SNX7: variants seen among roughly 807,000 people sequenced by gnomAD.
SNX7 encodes sorting nexin-7.
In SNX7, 35 loss-of-function variants were observed where a neutral mutation model predicts 48.4. The ratio of observed to expected loss-of-function variants is 0.72; its 90% CI spans 0.55 to 0.96. The LOEUF (loss-of-function observed/expected upper bound fraction) is 0.96. Ranked by LOEUF, SNX7 falls within the 40% of genes least tolerant of loss-of-function variation. SNX7 has a pLI of 0.00. For synonymous variants in SNX7, 190 were observed against 190.2 expected (o/e 1.00, Z 0.01); for missense variants, 553 against 548.9 (o/e 1.01, Z -0.07).
intron 1 of SNX7, among the ~76,000 whole-genome samples, chr1:98,675,829 T>C (rs1270938044): frequency 6.6e-6 from 1 of 152,180 alleles, no homozygotes; most frequent in East Asian, 1.9e-4. Context: ...ATCCCATAAC[T>C]TATTATTTAT....
At chr1:98,704,435 T>A (rs1651914948) in intron 7 of SNX7, among the ~76,000 whole-genome samples, 1 of 152,190 alleles carries the variant, frequency 6.6e-6, no homozygotes. Context: ...ACTGTTTATA[T>A]TTTCAAATAA....
chr1:98,664,882 A>AG (rs1435496371), intron 1 of SNX7, among the ~76,000 whole-genome samples: 1 of 152,190 alleles, frequency 6.6e-6, no homozygotes, highest in Admixed American at 6.5e-5. Context: ...AAATAAAAAA[A>AG]TAAAAAAGAT....
chr1:98,691,003 T>A (rs772020659), intron 2 of SNX7, 72 bp from the exon 3 acceptor site: 28 of 900,526 alleles, frequency 3.1e-5, no homozygotes, highest in Non-Finnish European at 4.6e-5. Flanking sequence ...TTTCACAATG[T>A]CTAAAATAAC....
chr1:98,662,910 G>A (rs2100893498), intron 1 of SNX7: 1 of 1,165,338 alleles, frequency 8.6e-7, no homozygotes, highest in Non-Finnish European at 1.1e-6. Context: ...CCAAAGAGGA[G>A]TATATAAAAC....
chr1:98,756,337 T>C (rs1325734384), intron 8 of SNX7, among the ~76,000 whole-genome samples: 1 of 151,642 alleles, frequency 6.6e-6, no homozygotes, highest in Non-Finnish European at 1.5e-5. Flanking sequence ...AGGAAAAGTA[T>C]GTATCATATG....
chr1:98,680,702 C>G (rs1315850872), intron 1 of SNX7, among the ~76,000 whole-genome samples: 1 of 152,154 alleles, frequency 6.6e-6, no homozygotes, highest in Non-Finnish European at 1.5e-5. Flanking sequence ...TGCCACCAGT[C>G]TCTTTGCTAA....
intron 7 of SNX7, among the ~76,000 whole-genome samples, chr1:98,712,529 G>A (rs11166074): frequency 0.01 from 1,527 of 152,248 alleles, 24 homozygotes; most frequent in African/African-American, 0.035. Flanking sequence ...GATCTCAAGA[G>A]TGGGCTTAAA....
chr1:98,678,670 G>C (rs765537078), intron 1 of SNX7, among the ~76,000 whole-genome samples: 7 of 152,020 alleles, frequency 4.6e-5, no homozygotes, highest in Admixed American at 1.3e-4. Flanking sequence ...CAGCTTTAAG[G>C]GGCTCCCACT....
intron 2 of SNX7, among the ~76,000 whole-genome samples, chr1:98,688,951 G>A (rs1427846681): frequency 6.6e-6 from 1 of 151,934 alleles, no homozygotes; most frequent in Non-Finnish European, 1.5e-5. Context: ...GTCACCCAGG[G>A]TAGAGTACAG....
At chr1:98,703,742 G>A (rs74110441) in intron 7 of SNX7, among the ~76,000 whole-genome samples, 3,931 of 151,978 alleles carry the variant, frequency 0.026, 173 homozygotes, top group African/African-American at 0.09. Flanking sequence ...AGAGTTAAGA[G>A]TCAATTAGAA....
At position 98,725,120 on chromosome 1, in the gene SNX7, A is replaced by G. The variant is rs1040726174; in HGVS notation, c.1126-13117A>G. Among the ~76,000 whole-genome samples the G allele has an allele frequency of 3.7e-4, 56 of 152,326 alleles. 1 individual carries two copies. The highest frequency in any genetic ancestry group is 1.3e-3 in the African/African-American group (55 of 41,588). On this transcript the variant is annotated intron_variant, in intron 7 of 8. Transcript: ENST00000306121. ...CCCCCTCATGGGCAATGCAAACTCA[A>G]AATTTCTTTAAGCTCTCCTGTTTTA...
At chr1:98,683,364 C>T (rs536742718) in intron 1 of SNX7, among the ~76,000 whole-genome samples, 1 of 152,162 alleles carries the variant, frequency 6.6e-6, no homozygotes, top group African/African-American at 2.4e-5. Flanking sequence ...AGTTTTTCTC[C>T]AAGATCAGCT....
intron 7 of SNX7, among the ~76,000 whole-genome samples, chr1:98,716,472 G>A (rs570509473): frequency 6.6e-6 from 1 of 152,202 alleles, no homozygotes; most frequent in African/African-American, 2.4e-5. Flanking sequence ...TTCATGAAGG[G>A]AAAAGAGAAA....
chr1:98,690,405 G>A (rs1207883723), intron 2 of SNX7, among the ~76,000 whole-genome samples: 1 of 151,972 alleles, frequency 6.6e-6, no homozygotes, highest in Non-Finnish European at 1.5e-5. Flanking sequence ...GGTTTGTTGA[G>A]AACAGATATT....
intron 7 of SNX7, among the ~76,000 whole-genome samples, chr1:98,718,384 C>T (rs1447801120): frequency 6.6e-6 from 1 of 152,018 alleles, no homozygotes; most frequent in African/African-American, 2.4e-5. Context: ...GAAAAAGGAA[C>T]TCAGAGTCTC....
intron 1 of SNX7, among the ~76,000 whole-genome samples, chr1:98,681,164 T>C (rs550058000): frequency 6.6e-6 from 1 of 152,280 alleles, no homozygotes; most frequent in Non-Finnish European, 1.5e-5. Context: ...AAAGAACTTG[T>C]GAAGGGAAAC....
chr1:98,747,448 C>G (rs11166097), intron 8 of SNX7, among the ~76,000 whole-genome samples: 32,164 of 152,100 alleles, frequency 0.21, 3,672 homozygotes, highest in East Asian at 0.31. Context: ...TTCTATGGAA[C>G]AATTCAAATA....
chr1:98,680,247 A>G (rs1650406372), intron 1 of SNX7, among the ~76,000 whole-genome samples: 1 of 152,122 alleles, frequency 6.6e-6, no homozygotes, highest in Non-Finnish European at 1.5e-5. Flanking sequence ...GCCATAGCTG[A>G]AGCAGCTGGA....
intron 1 of SNX7, among the ~76,000 whole-genome samples, chr1:98,666,483 G>T (rs952958767): frequency 4.6e-5 from 7 of 152,128 alleles, no homozygotes; most frequent in African/African-American, 7.2e-5. Context: ...TCTCCTGCTT[G>T]CACTCCTCTT....
Sources: allele counts gnomAD v4.1 joint callset (sites outside exome capture counted in the v4.1 genomes callset), GRCh38; gene constraint gnomAD v4.1.1; transcripts MANE v1.5; gene names NCBI Gene and HGNC (gene_info 2026-07-23, HGNC 2026-07-21).